DGKE: variants seen among roughly 807,000 people sequenced by gnomAD.
The protein encoded by DGKE is DAG kinase epsilon.
DGKE carries 53 observed loss-of-function variants against 70.0 expected under a neutral mutation model. The observed-to-expected ratio is 0.76, with a 90% CI of 0.61 to 0.95. The LOEUF (loss-of-function observed/expected upper bound fraction) is 0.95, where lower values mean the gene tolerates loss of function less well. Among genes scored for constraint, DGKE ranks in the 40% least tolerant of loss-of-function variants. DGKE has a pLI of 0.00. For synonymous variants in DGKE, 291 were observed against 257.0 expected, an observed-to-expected ratio of 1.13 and a Z score of -1.27; for missense variants, 655 against 706.9, an observed-to-expected ratio of 0.93 and a Z score of 0.83.
intron 5 of DGKE, 54 bp downstream of exon 5, chr17:56,848,119 C>CATACATAT (rs2144239629): frequency 1.4e-6 from 1 of 707,292 alleles, no homozygotes; most frequent in Non-Finnish European, 1.9e-6. Context: ...ATATACTATA[C>CATACATAT]ATATATATAT....
At chr17:56,840,774 T>C (rs1005641369) in intron 2 of DGKE, among the ~76,000 whole-genome samples, 66 of 151,916 alleles carry the variant, frequency 4.3e-4, no homozygotes, top group Non-Finnish European at 3.7e-4. Flanking sequence ...GATGTAACTA[T>C]GACAACTGAA....
chr17:56,847,874 A>T, intron 4 of DGKE, 48 bp from the exon 5 acceptor site: 3 of 1,390,730 alleles, frequency 2.2e-6, no homozygotes, highest in Non-Finnish European at 2.9e-6. Context: ...ATTACAGATG[A>T]AGGAAAATGT....
intron 9 of DGKE, among the ~76,000 whole-genome samples, chr17:56,861,568 C>T (rs1414041202): frequency 1.3e-5 from 2 of 152,062 alleles, no homozygotes; most frequent in Non-Finnish European, 2.9e-5. Flanking sequence ...GAAAAAATCA[C>T]GAGGCTCAAC....
chr17:56,861,814 A>G lies in DGKE; in HGVS notation c.1308A>G (p.Val436=). The part of the protein sequence containing the change: ...KVELELDGER[V]ALPSLEGIIV... ...AGCTAGAACTGGATGGTGAGCGAGT[A>G]GCACTGCCCAGCTTGGAAGGTATTA... The change falls in exon 10 of 12, where the codon GTA becomes GTG. Residue 436 remains valine (V), a synonymous_variant. Coordinates refer to ENST00000284061, the MANE Select transcript of DGKE (RefSeq NM_003647.3). 6.2e-7 allele frequency: 1 copy of G among 1,613,596 alleles called. No homozygotes were observed. The highest frequency in any genetic ancestry group is 1.1e-5 in the South Asian group (1 of 91,018).
At chr17:56,854,345 G>C (rs569618004) in intron 7 of DGKE, among the ~76,000 whole-genome samples, 17 of 151,738 alleles carry the variant, frequency 1.1e-4, no homozygotes, top group Non-Finnish European at 1.9e-4. Context: ...TTTTGAGACG[G>C]GGTCTCATTT....
intron 11 of DGKE, 37 bp from the exon 12 acceptor site, chr17:56,862,575 G>T: frequency 2.1e-6 from 3 of 1,457,160 alleles, no homozygotes; most frequent in Non-Finnish European, 2.7e-6. Context: ...AATTTGGGGG[G>T]ACTGACTTTT....
At chr17:56,842,083 T>C (rs1344685971) in intron 2 of DGKE, among the ~76,000 whole-genome samples, 2 of 152,226 alleles carry the variant, frequency 1.3e-5, no homozygotes, top group Non-Finnish European at 2.9e-5. Context: ...CAAAAAAGTT[T>C]ATGATACAAT....
chr17:56,843,666 G>A (rs1907118902), intron 2 of DGKE, among the ~76,000 whole-genome samples: 1 of 151,974 alleles, frequency 6.6e-6, no homozygotes, highest in Non-Finnish European at 1.5e-5. Context: ...GGCGGTAGTA[G>A]CACGAACTTG....
rs1164758538 is a variant in DGKE, at chr17:56,861,812, G to A, written c.1306G>A (p.Val436Ile). The A allele has an allele frequency of 1.2e-6, 2 of 1,613,452 alleles. No individual in the cohort carries two copies. The highest frequency in any genetic ancestry group is 2.7e-5 in the African/African-American group (2 of 74,888). ...AAAGCTAGAACTGGATGGTGAGCGA[G>A]TAGCACTGCCCAGCTTGGAAGGTAT... is the stretch of plus-strand genomic sequence containing the variant. ...KVELELDGER[V>I]ALPSLEGIIV... Residue 436 changes from valine to isoleucine, a missense_variant, in exon 10 of 12, where the codon GTA (valine) becomes ATA (isoleucine). By Grantham distance (29) the Val-to-Ile change is conservative. Coordinates refer to ENST00000284061, the MANE Select transcript of DGKE (RefSeq NM_003647.3).
intron 2 of DGKE, among the ~76,000 whole-genome samples, chr17:56,841,928 G>A (rs775827947): frequency 2.0e-5 from 3 of 152,058 alleles, no homozygotes; most frequent in Non-Finnish European, 4.4e-5. Flanking sequence ...CACTAGAGCT[G>A]GGACTACAGG....
At position 56,864,237 on chromosome 17, in the gene DGKE, T is replaced by G. The variant is rs1807628971; in HGVS notation, c.*1446T>G. 6.6e-6 allele frequency: 1 copy of G among 152,252 alleles called. No individual in the cohort carries two copies. The highest frequency in any genetic ancestry group is 2.4e-5 in the African/African-American group (1 of 41,468). The allele number at this position is 152,252 out of a possible 1,614,324, so 9.4% of individuals were successfully genotyped here. ...TCCAGCCTGGTGTTTTTCTGACACA[T>G]GGCCCAGGCTTTGTGGTCTTTCATG... On this transcript the variant is annotated 3_prime_UTR_variant, in exon 12 of 12. Transcript: ENST00000284061.
rs145980200 is a variant in DGKE at position 56,856,567 on chromosome 17, A to G, written c.1154A>G (p.Asn385Ser). 5.2e-5 allele frequency: 84 copies of G among 1,613,924 alleles called. No individual in the cohort carries two copies. The highest frequency in any genetic ancestry group is 4.4e-4 in the African/African-American group (33 of 75,018). The change falls in exon 8 of 12, where the codon AAT becomes AGT. Residue 385 changes from asparagine to serine, a missense_variant. Coordinates refer to ENST00000284061, the MANE Select transcript of DGKE (RefSeq NM_003647.3). ...SVGPDALMAL[N>S]FHAHREKAPS... ...GGACCTGATGCTCTCATGGCTCTCA[A>G]TTTTCATGCTCATCGTGAGAAGGCA...
intron 7 of DGKE, among the ~76,000 whole-genome samples, chr17:56,850,228 G>T (rs746953389): frequency 2.6e-5 from 4 of 151,738 alleles, no homozygotes; most frequent in Non-Finnish European, 5.9e-5. Context: ...GGGCCCAAGC[G>T]ATCCTCCCAC....
Position 56,865,724 on chromosome 17 carries a change from AG to A in DGKE, c.*2934del, listed in dbSNP as rs1908501759. 6.6e-6 allele frequency: 1 copy of A among 152,154 alleles called. No homozygotes were observed. Among genetic ancestry groups the A allele is most frequent in the African/African-American group, 2.4e-5 (1 of 41,454 alleles). 9.4% of individuals were successfully genotyped at this position (152,154 alleles called of 1,614,324 possible). A position where few individuals can be genotyped will look rare whatever the true frequency, so the allele number is the denominator to read the frequency against. ...AGAGTTATAAAATATACTGTGACTC[AG>A]AAATTGTAAAGTCAGTTTGCGTTGT... On this transcript the variant is annotated 3_prime_UTR_variant, in exon 12 of 12. Transcript: ENST00000284061.
At chr17:56,862,283 T>C (rs1159394930) in intron 11 of DGKE, 32 bp downstream of exon 11, 5 of 1,575,452 alleles carry the variant, frequency 3.2e-6, no homozygotes, top group Non-Finnish European at 4.4e-6. Flanking sequence ...CAGGCTAATT[T>C]GTCCCAATCC....
Position 56,834,893 on chromosome 17 carries a change from C to T in DGKE, c.98C>T (p.Pro33Leu). ...TGGACGCTGTGCTCGGTCCTGCTGC[C>T]GGTGTTCATCACCTTCTGGTGTAGC... ...ILWTLCSVLL[P>L]VFITFWCSLQ... The change falls in exon 2 of 12, where the codon CCG becomes CTG. Residue 33 changes from proline to leucine, a missense_variant. Pro to Leu is a moderately conservative substitution (Grantham distance 98). Transcript: ENST00000284061. The T allele has an allele frequency of 1.2e-6, 2 of 1,613,716 alleles. No individual in the cohort carries two copies. The highest frequency in any genetic ancestry group is 1.7e-6 in the Non-Finnish European group (2 of 1,179,954).
chr17:56,868,483 C>G lies in DGKE; in HGVS notation c.*5692C>G, dbSNP rs540859390. The G allele has an allele frequency of 6.6e-6, 1 of 152,426 alleles. No individual in the cohort carries two copies. The highest frequency in any genetic ancestry group is 2.4e-5 in the African/African-American group (1 of 41,592). The allele number at this position is 152,426 out of a possible 1,614,324, so 9.4% of individuals were successfully genotyped here. On this transcript the variant is annotated 3_prime_UTR_variant, in exon 12 of 12. Transcript: ENST00000284061. ...AGGACACATGTGATGACTCCACTTG[C>G]TCAGCCAGCTGGCCTCTTGCACTTT...
At chr17:56,862,475 A>G (rs1908354549) in intron 11 of DGKE, 137 bp from the exon 12 acceptor site, 1 of 940,594 alleles carries the variant, frequency 1.1e-6, no homozygotes, top group East Asian at 2.7e-5. Flanking sequence ...TAATCAATGA[A>G]TAAAAACATA....
At chr17:56,840,020 C>A (rs372317470) in intron 2 of DGKE, among the ~76,000 whole-genome samples, 2 of 151,872 alleles carry the variant, frequency 1.3e-5, no homozygotes, top group Non-Finnish European at 2.9e-5. Context: ...CAAAATTAGC[C>A]GAGTGTGGTG....
Sources: allele counts gnomAD v4.1 joint callset (sites outside exome capture counted in the v4.1 genomes callset), GRCh38; gene constraint gnomAD v4.1.1; transcripts MANE v1.5; gene names NCBI Gene and HGNC (gene_info 2026-07-23, HGNC 2026-07-21).